Variants in CFHR5 observed in about 807,000 individuals in gnomAD.
CFHR5 encodes the protein complement factor H related 5.
Under a neutral mutation model 62.9 loss-of-function variants are expected in CFHR5, and 73 were observed. The observed-to-expected ratio is 1.16, with a 90% CI of 0.96 to 1.41. CFHR5 has a LOEUF of 1.41. CFHR5 is among the 40% of genes most tolerant of loss of function. The pLI, the probability that CFHR5 is intolerant of heterozygous loss-of-function variation, is 0.00. For synonymous variants in CFHR5, 249 were observed against 227.2 expected (o/e 1.10, Z -0.86); for missense variants, 779 against 679.9 (o/e 1.15, Z -1.62).
In CFHR5 at chr1:196,995,915, C is replaced by A; in HGVS notation, c.790+16C>A. The A allele has an allele frequency of 6.2e-7, 1 of 1,605,838 alleles. No individual in the cohort carries two copies. The highest frequency in any genetic ancestry group is 8.5e-7 in the Non-Finnish European group (1 of 1,172,762). On this transcript the variant is annotated intron_variant, in intron 5 of 9. Coordinates refer to ENST00000256785, the MANE Select transcript of CFHR5 (RefSeq NM_030787.4). ...ACTTGTGTTGGTAAATAAATATTAA[C>A]ATTTAAACAGGACAGTTACTATTAC...
chr1:197,007,550 A>G lies in CFHR5; in HGVS notation c.1514-937A>G, dbSNP rs182162377. On this transcript the variant is annotated intron_variant, in intron 9 of 9. Coordinates refer to ENST00000256785, the MANE Select transcript of CFHR5 (RefSeq NM_030787.4). ...GACTTGGCAAGGATGTGGAGAGTTA[A>G]GCACTCTAATATACATACAAGTGTA... Among the ~76,000 whole-genome samples the G allele has an allele frequency of 7.9e-5, 12 of 151,560 alleles. No homozygotes were observed. In the East Asian group the frequency reaches 9.7e-4, roughly 12 times the overall value.
At chr1:196,976,447 G>A (rs563479395), upstream of CFHR5, among the ~76,000 whole-genome samples, 1 of 152,076 alleles carries the variant, frequency 6.6e-6, no homozygotes, top group African/African-American at 2.4e-5. Flanking sequence ...TCCAGCAGGG[G>A]AGCAGAGCTT....
intron 3 of CFHR5, among the ~76,000 whole-genome samples, chr1:196,987,696 GC>G (rs1384941599): frequency 2.0e-5 from 3 of 151,980 alleles, no homozygotes; most frequent in Non-Finnish European, 4.4e-5. Flanking sequence ...TATTTCTGAG[GC>G]CTCTGTTCTG....
In CFHR5 at chr1:197,002,318, T is replaced by C. The variant is rs779956742; in HGVS notation, c.1148-164T>C. ...GTAAACTATAGTGACACAAAAAATA[T>C]TTGTTATTATAACATTTATATATAG... On this transcript the variant is annotated intron_variant, in intron 7 of 9. Transcript: ENST00000256785. Among the ~76,000 whole-genome samples the C allele has an allele frequency of 7.2e-5, 11 of 152,238 alleles. No individual in the cohort carries two copies. In the Middle Eastern group the frequency reaches 0.01, roughly 141 times the overall value.
intron 9 of CFHR5, among the ~76,000 whole-genome samples, chr1:197,006,330 A>T (rs1382142789): frequency 6.6e-6 from 1 of 152,170 alleles, no homozygotes; most frequent in Admixed American, 6.5e-5. Flanking sequence ...TATCTGGAAA[A>T]TTCAAGGAAA....
Position 197,002,547 on chromosome 1 carries a change from G to A in CFHR5, c.1213G>A (p.Val405Met), listed in dbSNP as rs765544022. Residue 405 changes from valine (V) to methionine (M), a missense_variant, in exon 8 of 10, where the codon GTG becomes ATG. Val to Met is a conservative substitution (Grantham distance 21, BLOSUM62 1). Transcript: ENST00000256785. ...IPNAQNMTTT[V>M]NYQDGEKVAV... is the part of the protein sequence containing the mutation. ...TAATGCTCAGAATATGACAACCACA[G>A]TGAATTATCAGGATGGAGAAAAAGT... 5.0e-6 allele frequency: 8 copies of A among 1,613,530 alleles called. No individual in the cohort carries two copies. The Admixed American group carries it at 1.3e-4, about 27-fold the overall frequency.
intron 3 of CFHR5, among the ~76,000 whole-genome samples, chr1:196,984,587 T>C (rs566832111): frequency 6.6e-6 from 1 of 152,188 alleles, no homozygotes; most frequent in South Asian, 2.1e-4. Context: ...GGTATGTGTA[T>C]TTGTGAGCGG....
rs954452383 is a variant in CFHR5, at chr1:197,009,245, A to G, written c.*562A>G. Reference sequence around the variant, plus strand: ...AGCTCTCGTGACTTAATCACCTTCTAAAGATCTCACCTGACAACACTGTTG... The same window carrying G: ...AGCTCTCGTGACTTAATCACCTTCTGAAGATCTCACCTGACAACACTGTTG... On this transcript the variant is annotated 3_prime_UTR_variant, in exon 10 of 10. Coordinates refer to ENST00000256785, the MANE Select transcript of CFHR5 (RefSeq NM_030787.4). The G allele has an allele frequency of 1.3e-5, 2 of 152,564 alleles. No homozygotes were observed. The highest frequency in any genetic ancestry group is 4.8e-5 in the African/African-American group (2 of 41,448). 9.5% of individuals were successfully genotyped at this position (152,564 alleles called of 1,614,324 possible).
intron 9 of CFHR5, 69 bp from the exon 10 acceptor site, chr1:197,008,418 T>C (rs1392245226): frequency 2.3e-6 from 2 of 860,630 alleles, no homozygotes; most frequent in African/African-American, 3.5e-5. Context: ...TAAATGCAAT[T>C]TCACTATTCT....
intron 3 of CFHR5, among the ~76,000 whole-genome samples, chr1:196,984,843 C>G (rs937500389): frequency 1.1e-4 from 17 of 152,160 alleles, no homozygotes; most frequent in African/African-American, 4.1e-4. Context: ...CTTCTGGCCA[C>G]CATAGTCACC....
intron 8 of CFHR5, among the ~76,000 whole-genome samples, chr1:197,004,233 C>G (rs1654228179): frequency 6.6e-6 from 1 of 151,976 alleles, no homozygotes; most frequent in East Asian, 1.9e-4. Context: ...AAAGTAAATG[C>G]AGAAGAGTGT....
intron 3 of CFHR5, among the ~76,000 whole-genome samples, chr1:196,988,313 A>C (rs1313125425): frequency 2.0e-5 from 3 of 152,188 alleles, no homozygotes; most frequent in Non-Finnish European, 2.9e-5. Flanking sequence ...TGTCATCTGC[A>C]AACAGCAACA....
rs115168960 is a variant in CFHR5 at position 196,986,773 on chromosome 1, G to A, written c.430+2636G>A. ...TTTCTTAATCCAGTCTATCACTTAC[G>A]GACATTTGGGCTAGTTCCAGGTCTT... On this transcript the variant is annotated intron_variant, in intron 3 of 9. Coordinates refer to ENST00000256785, the MANE Select transcript of CFHR5 (RefSeq NM_030787.4). 6.4e-3 allele frequency among the ~76,000 whole-genome samples: 975 copies of A among 152,168 alleles called. 12 individuals are homozygous for A. Among genetic ancestry groups the A allele is most frequent in the African/African-American group, 0.023 (936 of 41,498 alleles).
intron 9 of CFHR5, among the ~76,000 whole-genome samples, chr1:197,005,278 C>T (rs1473372742): frequency 6.6e-6 from 1 of 152,160 alleles, no homozygotes; most frequent in Non-Finnish European, 1.5e-5. Context: ...TTGACTAATA[C>T]TGACATGGCT....
rs375328527 is a variant in CFHR5 at position 196,984,056 on chromosome 1, G to A, written c.349G>A (p.Gly117Arg). 2.5e-6 allele frequency: 4 copies of A among 1,613,466 alleles called. No homozygotes were observed. In the African/African-American group the frequency reaches 4.0e-5, roughly 16 times the overall value. ...GDTVQIICNT[G>R]YSLQNNEKNI... Reference sequence around the variant, plus strand: ...TACTGTACAAATTATTTGCAACACAGGATACAGCCTTCAAAACAATGAGAA... The same window carrying A: ...TACTGTACAAATTATTTGCAACACAAGATACAGCCTTCAAAACAATGAGAA... Residue 117 changes from glycine (G) to arginine (R), a missense_variant, in exon 3 of 10, where the codon GGA (glycine) becomes AGA (arginine). Coordinates refer to ENST00000256785, the MANE Select transcript of CFHR5 (RefSeq NM_030787.4).
intron 3 of CFHR5, among the ~76,000 whole-genome samples, chr1:196,987,773 C>T (rs979937453): frequency 6.6e-6 from 1 of 152,056 alleles, no homozygotes; most frequent in African/African-American, 2.4e-5. Context: ...GTAGTATAGC[C>T]TTGTAGTATA....
intron 3 of CFHR5, among the ~76,000 whole-genome samples, chr1:196,989,285 A>T (rs1259626280): frequency 6.6e-6 from 1 of 151,794 alleles, no homozygotes; most frequent in East Asian, 1.9e-4. Flanking sequence ...TCTTGCTAGC[A>T]GTCTGTCTAT....
intron 7 of CFHR5, among the ~76,000 whole-genome samples, chr1:197,000,807 A>G (rs1654133543): frequency 6.6e-6 from 1 of 152,198 alleles, no homozygotes. Context: ...AGAAATTCAT[A>G]AACAACAAAA....
intron 9 of CFHR5, among the ~76,000 whole-genome samples, chr1:197,005,169 A>G (rs1465863696): frequency 6.6e-6 from 1 of 152,178 alleles, no homozygotes; most frequent in East Asian, 1.9e-4. Context: ...AACTTCTCAC[A>G]GAGACCCTTT....
Sources: gnomAD v4.1 joint callset for allele counts (sites outside exome capture counted in the v4.1 genomes callset) on GRCh38, gnomAD v4.1.1 for gene constraint, MANE v1.5 for transcripts, NCBI Gene and HGNC (gene_info 2026-07-23, HGNC 2026-07-21) for gene names.